The following PKN2 variants were observed in gnomAD, a reference collection of about 807,000 sequenced individuals.
The protein encoded by PKN2 is serine/threonine-protein kinase N2.
PKN2 carries 38 observed loss-of-function variants against 119.1 expected under a neutral mutation model. The ratio of observed to expected loss-of-function variants is 0.32; its 90% confidence interval spans 0.25 to 0.42. The LOEUF (loss-of-function observed/expected upper bound fraction) is 0.42. Among genes scored for constraint, PKN2 ranks in the 10% least tolerant of loss-of-function variants. The pLI, the probability that PKN2 is intolerant of heterozygous loss-of-function variation, is 1.00. For missense variants in PKN2, 850 were observed against 1,165.1 expected (o/e 0.73, Z 3.94); for synonymous variants, 390 against 384.9 (o/e 1.01, Z -0.15).
chr1:88,815,076 C>A (rs1232702380), intron 16 of PKN2, among the ~76,000 whole-genome samples: 7 of 152,202 alleles, frequency 4.6e-5, no homozygotes, highest in African/African-American at 1.7e-4. Flanking sequence ...ACGAATAATT[C>A]ATTCCCTCAA....
chr1:88,703,709 G>C (rs185845873), intron 1 of PKN2, among the ~76,000 whole-genome samples: 1 of 152,204 alleles, frequency 6.6e-6, no homozygotes, highest in African/African-American at 2.4e-5. Context: ...GTGGTAAAAA[G>C]CAAAGGCTAC....
At chr1:88,814,177 T>C (rs908510676) in intron 16 of PKN2, among the ~76,000 whole-genome samples, 3 of 152,196 alleles carry the variant, frequency 2.0e-5, no homozygotes, top group Non-Finnish European at 2.9e-5. Flanking sequence ...ATCAACTATT[T>C]GCGTCCTTGT....
intron 3 of PKN2, among the ~76,000 whole-genome samples, chr1:88,770,102 A>G (rs968432433): frequency 2.6e-5 from 4 of 152,220 alleles, no homozygotes; most frequent in African/African-American, 9.6e-5. Context: ...TTAAAAATAC[A>G]CAGCCATAAT....
rs1401340173 is a variant in PKN2 at position 88,769,157 on chromosome 1, A to G, written c.505-1195A>G. 3.9e-5 allele frequency among the ~76,000 whole-genome samples: 6 copies of G among 152,312 alleles called. No homozygotes were observed. In the South Asian group the frequency reaches 1.0e-3, roughly 26 times the overall value. ...CAAAATGAGATTTAGAGGGACAAAC[A>G]TCCAAACCATATCAGGCATTAACAT... is the stretch of plus-strand genomic sequence containing the variant. On this transcript the variant is annotated intron_variant, in intron 3 of 21. Transcript: ENST00000370521.
At chr1:88,754,954 C>T (rs754669319) in intron 2 of PKN2, among the ~76,000 whole-genome samples, 1 of 152,016 alleles carries the variant, frequency 6.6e-6, no homozygotes, top group East Asian at 1.9e-4. Context: ...ATAATACCCC[C>T]GAAAATACTT....
intron 8 of PKN2, among the ~76,000 whole-genome samples, chr1:88,787,881 A>G (rs1403355579): frequency 6.6e-6 from 1 of 152,204 alleles, no homozygotes; most frequent in African/African-American, 2.4e-5. Flanking sequence ...CACATTCCCT[A>G]TTAAAATAGG....
chr1:88,833,171 T>C lies in PKN2; in HGVS notation c.2751+14T>C. On this transcript the variant is annotated intron_variant, in intron 21 of 21. Transcript: ENST00000370521. ...CCATTTTTCCGGGTAAGTGTGACTA[T>C]TTAAAATTTTTTATGAAACTAGAGC... 1 of 1,610,776 alleles carries C rather than the reference T, an allele frequency of 6.2e-7. No individual in the cohort carries two copies.
intron 2 of PKN2, among the ~76,000 whole-genome samples, chr1:88,748,327 A>G (rs1005535431): frequency 2.7e-4 from 41 of 152,120 alleles, no homozygotes; most frequent in African/African-American, 9.2e-4. Flanking sequence ...GAAGAATGCC[A>G]TGTACATAGA....
At chr1:88,744,016 GT>G (rs1668673510) in intron 2 of PKN2, among the ~76,000 whole-genome samples, 1 of 151,968 alleles carries the variant, frequency 6.6e-6, no homozygotes, top group African/African-American at 2.4e-5. Context: ...AAAAAATTCT[GT>G]TTGCAAATGG....
At position 88,824,380 on chromosome 1, in the gene PKN2, A is replaced by G. The variant is rs1672415157; in HGVS notation, c.2413A>G (p.Lys805Glu). 1 of 1,558,460 alleles carries G rather than the reference A, an allele frequency of 6.4e-7. No homozygotes were observed. Among genetic ancestry groups the G allele is most frequent in the African/African-American group, 1.4e-5 (1 of 73,832 alleles). ...GAAAATTGCTGATTTTGGTCTTTGCAAAGAAGGTAATCGAATGTTTTTAAG... is the reference window on the plus strand; with the variant it reads ...GAAAATTGCTGATTTTGGTCTTTGCGAAGAAGGTAATCGAATGTTTTTAAG... ...FVKIADFGLC[K>E]EGMGYGDRTS... The change falls in exon 18 of 22, where the codon AAA becomes GAA. Residue 805 changes from lysine to glutamate, a missense_variant. Lys to Glu is a moderately conservative substitution (Grantham distance 56). Around this residue, in one of 9 missense-constraint regions of PKN2, gnomAD observed 55 missense variants for 85.9 expected, o/e 0.64. Transcript: ENST00000370521.
chr1:88,761,379 T>C (rs755519901), intron 3 of PKN2, among the ~76,000 whole-genome samples: 10 of 151,996 alleles, frequency 6.6e-5, no homozygotes, highest in Non-Finnish European at 1.3e-4. Context: ...AATTTCTTAA[T>C]AAAAGTTCTT....
intron 1 of PKN2, among the ~76,000 whole-genome samples, chr1:88,728,806 T>C (rs1000683501): frequency 6.6e-6 from 1 of 152,122 alleles, no homozygotes; most frequent in Admixed American, 6.6e-5. Flanking sequence ...GACGTCATTA[T>C]GAACTCATAT....
At chr1:88,688,947 A>G (rs1248471920) in intron 1 of PKN2, among the ~76,000 whole-genome samples, 2 of 152,240 alleles carry the variant, frequency 1.3e-5, no homozygotes, top group Non-Finnish European at 2.9e-5. Context: ...TCCCAAAAAT[A>G]TTCTCTTTAA....
rs992465358 is a variant in PKN2, at chr1:88,828,399, C to A, written c.2420-82C>A. ...GCACAAATGTGCAACTTTAATTTTGCCTCCCAAAGATAGCTTTGATTTTTT... is the reference window on the plus strand; with the variant it reads ...GCACAAATGTGCAACTTTAATTTTGACTCCCAAAGATAGCTTTGATTTTTT... On this transcript the variant is annotated intron_variant, in intron 18 of 21. Coordinates refer to ENST00000370521, the MANE Select transcript of PKN2 (RefSeq NM_006256.4). 1.7e-5 allele frequency: 21 copies of A among 1,210,740 alleles called. No homozygotes were observed. In the African/African-American group the frequency reaches 2.4e-4, roughly 14 times the overall value. The allele number at this position is 1,210,740 out of a possible 1,614,324, so 75.0% of individuals were successfully genotyped here. A position where few individuals can be genotyped will look rare whatever the true frequency, so the allele number is the denominator to read the frequency against.
At chr1:88,748,781 A>G (rs990917357) in intron 2 of PKN2, among the ~76,000 whole-genome samples, 1 of 151,868 alleles carries the variant, frequency 6.6e-6, no homozygotes. Context: ...CAAAAAATTT[A>G]AAAATTAGCC....
chr1:88,701,066 C>T (rs1666750104), intron 1 of PKN2, among the ~76,000 whole-genome samples: 1 of 152,148 alleles, frequency 6.6e-6, no homozygotes, highest in Non-Finnish European at 1.5e-5. Flanking sequence ...TCACCAGTCA[C>T]AACAGAAGTA....
rs115953753 is a variant in PKN2 at position 88,774,827 on chromosome 1, A to G, written c.985+2948A>G. Among the ~76,000 whole-genome samples the G allele has an allele frequency of 3.0e-3, 451 of 150,150 alleles. 4 individuals carry two copies. Among genetic ancestry groups the G allele is most frequent in the African/African-American group, 0.011 (428 of 40,756 alleles). On this transcript the variant is annotated intron_variant, in intron 6 of 21. Transcript: ENST00000370521. ...GGGCTCAAGCAATCCTCCTGCCTCAACCTCCTGAGTAGCTAGGAGTACGGG... is the reference window on the plus strand; with the variant it reads ...GGGCTCAAGCAATCCTCCTGCCTCAGCCTCCTGAGTAGCTAGGAGTACGGG...
chr1:88,781,063 C>G (rs1670319929), intron 6 of PKN2: 1 of 1,131,960 alleles, frequency 8.8e-7, no homozygotes, highest in East Asian at 7.3e-5. Flanking sequence ...CTTTAAGCTC[C>G]TACTGGACCA....
intron 3 of PKN2, among the ~76,000 whole-genome samples, chr1:88,761,606 T>C (rs1669445235): frequency 7.4e-6 from 1 of 135,264 alleles, no homozygotes; most frequent in South Asian, 2.3e-4. Flanking sequence ...CAAGACCCTG[T>C]CTCTTTAAAA....
Sources: gnomAD v4.1 joint callset for allele counts (sites outside exome capture counted in the v4.1 genomes callset) on GRCh38, gnomAD v4.1.1 for gene constraint, gnomAD v4.1.1 regional missense constraint, MANE v1.5 for transcripts, NCBI Gene and HGNC (gene_info 2026-07-23, HGNC 2026-07-21) for gene names.